STARD13: variants seen among roughly 807,000 people sequenced by gnomAD.
STARD13 encodes stAR-related lipid transfer protein 13.
A neutral mutation model predicts 106.4 loss-of-function variants in STARD13; 62 were observed. The observed-to-expected ratio is 0.58, with a 90% CI of 0.48 to 0.72. The LOEUF (loss-of-function observed/expected upper bound fraction) is 0.72. Among genes scored for constraint, STARD13 ranks in the 30% least tolerant of loss-of-function variants. The probability of loss-of-function intolerance (pLI) is 0.00; values close to 1 mark genes in which losing one functional copy is unlikely to be tolerated. For missense variants in STARD13, 1,387 were observed against 1,424.0 expected (o/e 0.97, Z 0.42); for synonymous variants, 565 against 553.0 (o/e 1.02, Z -0.31).
the STARD13 span, among the ~76,000 whole-genome samples, chr13:33,446,784 G>A: frequency 6.6e-6 from 1 of 152,092 alleles, no homozygotes; most frequent in Non-Finnish European, 1.5e-5. Flanking sequence ...CTAAAATGAT[G>A]CTATTTAATA....
chr13:33,163,640 AC>A, intron 3 of STARD13, among the ~76,000 whole-genome samples: 1 of 125,338 alleles, frequency 8.0e-6, no homozygotes, highest in Admixed American at 8.4e-5. Flanking sequence ...TATATATATA[AC>A]ATATATATAT....
the STARD13 span, among the ~76,000 whole-genome samples, chr13:33,459,544 C>A: frequency 6.6e-6 from 1 of 152,044 alleles, no homozygotes; most frequent in Non-Finnish European, 1.5e-5. Flanking sequence ...TTTGCTATTA[C>A]AAAAAAGCTT....
chr13:33,520,224 A>G, the STARD13 span: 1 of 152,186 alleles, frequency 6.6e-6, no homozygotes, highest in East Asian at 1.9e-4. Flanking sequence ...TTAATAATTC[A>G]GAGGAGAAAT....
At chr13:33,162,301 T>A (rs2138341181) in intron 3 of STARD13, among the ~76,000 whole-genome samples, 1 of 152,346 alleles carries the variant, frequency 6.6e-6, no homozygotes, top group East Asian at 1.9e-4. Flanking sequence ...AACCAGTTTT[T>A]CCTCCTAGAC....
At chr13:33,411,043 C>A in the STARD13 span, among the ~76,000 whole-genome samples, 13 of 152,196 alleles carry the variant, frequency 8.5e-5, no homozygotes, top group African/African-American at 3.1e-4. Context: ...GTTAATCCTA[C>A]CATTACAGTC....
the STARD13 span, among the ~76,000 whole-genome samples, chr13:33,672,726 C>G: frequency 6.6e-6 from 1 of 152,158 alleles, no homozygotes; most frequent in Non-Finnish European, 1.5e-5. Flanking sequence ...TTTGATCACC[C>G]ATACTTGAAT....
chr13:33,582,153 C>T, the STARD13 span, among the ~76,000 whole-genome samples: 4 of 150,316 alleles, frequency 2.7e-5, no homozygotes, highest in East Asian at 2.0e-4. Context: ...ACCCAGCAGG[C>T]GGAGCTTGCA....
intron 8 of STARD13, among the ~76,000 whole-genome samples, chr13:33,115,118 C>T (rs1038715603): frequency 5.9e-5 from 9 of 152,136 alleles, no homozygotes; most frequent in African/African-American, 2.2e-4. Flanking sequence ...TTGTCTTTGA[C>T]TCTTCTATCC....
chr13:33,181,300 T>G (rs182041223), intron 1 of STARD13, among the ~76,000 whole-genome samples: 17 of 142,936 alleles, frequency 1.2e-4, no homozygotes, highest in Non-Finnish European at 2.3e-4. Context: ...ACACACATAT[T>G]CATGCACATG....
At chr13:33,352,723 C>T (rs145338598), upstream of STARD13, among the ~76,000 whole-genome samples, 31 of 152,280 alleles carry the variant, frequency 2.0e-4, no homozygotes, top group Admixed American at 1.0e-3. Flanking sequence ...CTGCCAGCCC[C>T]GGCTGCTGGC....
the STARD13 span, among the ~76,000 whole-genome samples, chr13:33,675,499 T>C: frequency 1.3e-5 from 2 of 152,164 alleles, no homozygotes; most frequent in African/African-American, 4.8e-5. Context: ...AGAACCTGTG[T>C]CATGGGAATA....
At position 33,187,489 on chromosome 13, in the gene STARD13, G is replaced by C. The variant is rs955309822; in HGVS notation, c.170-19867C>G. On this transcript the variant is annotated intron_variant, in intron 1 of 13. Coordinates refer to ENST00000336934, the MANE Select transcript of STARD13 (RefSeq NM_178006.4). ...GAAAAGTCTGATTGGGCAAACCTGA[G>C]ACCTGTTCAGAAGAAAGGGCTTGGA... 2.0e-5 allele frequency among the ~76,000 whole-genome samples: 3 copies of C among 152,182 alleles called. No homozygotes were observed. In the East Asian group the frequency reaches 5.8e-4, roughly 29 times the overall value.
chr13:33,520,542 G>A, the STARD13 span, among the ~76,000 whole-genome samples: 6 of 151,984 alleles, frequency 3.9e-5, no homozygotes, highest in Non-Finnish European at 5.9e-5. Context: ...AAACAATAGC[G>A]GCCAGTCTAA....
intron 1 of STARD13, among the ~76,000 whole-genome samples, chr13:33,221,587 G>T (rs764790396): frequency 2.1e-4 from 32 of 152,072 alleles, no homozygotes; most frequent in Admixed American, 5.2e-4. Flanking sequence ...GGCCAACTCA[G>T]CTCCTCCTTG....
At chr13:33,589,244 A>G in the STARD13 span, among the ~76,000 whole-genome samples, 18 of 152,150 alleles carry the variant, frequency 1.2e-4, no homozygotes, top group Admixed American at 4.6e-4. Flanking sequence ...TTTTCAAAAA[A>G]CCAGCTTCTG....
At chr13:33,536,392 T>TA in the STARD13 span, among the ~76,000 whole-genome samples, 3 of 152,138 alleles carry the variant, frequency 2.0e-5, no homozygotes, top group Admixed American at 6.5e-5. Flanking sequence ...TGAAAACTAA[T>TA]AAAAAATAAT....
At chr13:33,639,284 G>A in the STARD13 span, among the ~76,000 whole-genome samples, 3 of 152,210 alleles carry the variant, frequency 2.0e-5, no homozygotes, top group Non-Finnish European at 4.4e-5. Context: ...GGGAATACTT[G>A]TACCAAGGCC....
At chr13:33,249,966 T>A (rs1379106156) in intron 1 of STARD13, among the ~76,000 whole-genome samples, 1 of 152,162 alleles carries the variant, frequency 6.6e-6, no homozygotes, top group Admixed American at 6.5e-5. Context: ...ATTTTTTTGA[T>A]TTTTTGTAGA....
chr13:33,344,997 A>C (rs2078003117), downstream of STARD13, among the ~76,000 whole-genome samples: 1 of 152,232 alleles, frequency 6.6e-6, no homozygotes, highest in South Asian at 2.1e-4. Context: ...CTTCTGCCTA[A>C]AGAATTTAAT....
Sources: gnomAD v4.1 joint callset for allele counts (sites outside exome capture counted in the v4.1 genomes callset) on GRCh38, gnomAD v4.1.1 for gene constraint, MANE v1.5 for transcripts, NCBI Gene and HGNC (gene_info 2026-07-23, HGNC 2026-07-21) for gene names.